The following CADM2 variants were observed in gnomAD, a reference collection of about 807,000 sequenced individuals.
CADM2 encodes cell adhesion molecule 2.
Under a neutral mutation model 49.8 loss-of-function variants are expected in CADM2, and 12 were observed. The observed-to-expected ratio is 0.24, with a 90% CI of 0.15 to 0.39. CADM2 has a LOEUF of 0.39. Ranked by LOEUF, CADM2 falls within the 10% of genes least tolerant of loss-of-function variation. The pLI, the probability that CADM2 is intolerant of heterozygous loss-of-function variation, is 1.00. For missense variants in CADM2, 378 were observed against 492.3 expected (o/e 0.77, Z 2.20); for synonymous variants, 214 against 175.4 (o/e 1.22, Z -1.74).
chr3:85,072,743 T>A (rs899512629), intron 1 of CADM2, among the ~76,000 whole-genome samples: 3 of 152,064 alleles, frequency 2.0e-5, no homozygotes, highest in Non-Finnish European at 2.9e-5. Context: ...TAGATAAAAA[T>A]TTTAAATTCT....
intron 3 of CADM2, among the ~76,000 whole-genome samples, chr3:85,819,322 T>A (rs1375741157): frequency 6.6e-6 from 1 of 152,006 alleles, no homozygotes; most frequent in Non-Finnish European, 1.5e-5. Flanking sequence ...CAAAGGTTAA[T>A]CTCCTCTGGC....
chr3:85,985,100 A>G (rs904056259), intron 8 of CADM2, among the ~76,000 whole-genome samples: 4 of 151,974 alleles, frequency 2.6e-5, no homozygotes, highest in Non-Finnish European at 5.9e-5. Flanking sequence ...TTGGGGTGCT[A>G]TAATGAAATT....
rs1166020374 is a variant in CADM2, at chr3:85,935,831, G to A, written c.765G>A (p.Leu255=). ...CACAAGAAGGACAGCCTTTAATTTTGACTTGTGAATCCAAAGGAAAACCAC... is the reference window on the plus strand; with the variant it reads ...CACAAGAAGGACAGCCTTTAATTTTAACTTGTGAATCCAAAGGAAAACCAC... ...PFPQEGQPLI[L]TCESKGKPLP... The change falls in exon 7 of 10, where the codon TTG becomes TTA. Residue 255 remains leucine (L), a synonymous_variant. Coordinates refer to ENST00000383699, the MANE Select transcript of CADM2 (RefSeq NM_001167675.2). 1.2e-6 allele frequency: 2 copies of A among 1,604,218 alleles called. No homozygotes were observed. Among genetic ancestry groups the A allele is most frequent in the Non-Finnish European group, 1.7e-6 (2 of 1,173,118 alleles).
intron 1 of CADM2, among the ~76,000 whole-genome samples, chr3:85,255,310 A>C (rs1184641407): frequency 6.6e-6 from 1 of 152,046 alleles, no homozygotes; most frequent in African/African-American, 2.4e-5. Context: ...ATATCTTTAA[A>C]TACCTTCACT....
rs527738963 is a variant in CADM2 at position 85,595,105 on chromosome 3, T to C, written c.62-131417T>C. On this transcript the variant is annotated intron_variant, in intron 1 of 9. Transcript: ENST00000383699. ...AAGCCCTTTTTGCGTGCATTTATTC[T>C]GCTAGTTGATAATACAAATTGAAGT... is the stretch of plus-strand genomic sequence containing the variant. 2.6e-5 allele frequency among the ~76,000 whole-genome samples: 4 copies of C among 152,156 alleles called. No homozygotes were observed. The East Asian group carries it at 7.8e-4, about 30-fold the overall frequency.
chr3:85,372,803 G>A (rs1052955810), intron 1 of CADM2, among the ~76,000 whole-genome samples: 32 of 152,106 alleles, frequency 2.1e-4, no homozygotes, highest in African/African-American at 7.0e-4. Flanking sequence ...TGTCTTACAC[G>A]GTGGAAGGGA....
At chr3:84,989,386 A>C (rs899170688) in intron 1 of CADM2, among the ~76,000 whole-genome samples, 1 of 152,184 alleles carries the variant, frequency 6.6e-6, no homozygotes, top group Non-Finnish European at 1.5e-5. Flanking sequence ...TTATTTAAAT[A>C]GATAAGTCTT....
chr3:85,823,225 A>G (rs1026349327), intron 3 of CADM2, among the ~76,000 whole-genome samples: 6 of 152,212 alleles, frequency 3.9e-5, no homozygotes, highest in Non-Finnish European at 8.8e-5. Flanking sequence ...CATAATAAAT[A>G]TAACAATTTT....
intron 1 of CADM2, among the ~76,000 whole-genome samples, chr3:85,431,430 A>G (rs2036658930): frequency 6.6e-6 from 1 of 152,244 alleles, no homozygotes; most frequent in Non-Finnish European, 1.5e-5. Context: ...CTGCTCTGCA[A>G]AATTAGGATA....
intron 1 of CADM2, among the ~76,000 whole-genome samples, chr3:85,528,324 ACG>A (rs2061217337): frequency 9.6e-6 from 1 of 104,348 alleles, no homozygotes; most frequent in African/African-American, 2.6e-5. Flanking sequence ...CAGCATACTC[ACG>A]CACACTCACA....
rs376971693 is a variant in CADM2 at position 85,469,490 on chromosome 3, G to A, written c.62-257032G>A. 4.6e-5 allele frequency among the ~76,000 whole-genome samples: 7 copies of A among 152,164 alleles called. No individual in the cohort carries two copies. In the South Asian group the frequency reaches 1.0e-3, roughly 23 times the overall value. ...ATAGTTTAATTCAAATGATAGGAGT[G>A]GCCAGAGCTCAATTTATTCAAAGAG... is the stretch of plus-strand genomic sequence containing the variant. On this transcript the variant is annotated intron_variant, in intron 1 of 9. Transcript: ENST00000383699.
rs552974027 is a variant in CADM2, at chr3:85,224,954, G to T, written c.61+265286G>T. Among the ~76,000 whole-genome samples, 274 of 152,088 alleles carry T rather than the reference G, an allele frequency of 1.8e-3. 1 individual carries two copies. The highest frequency in any genetic ancestry group is 6.3e-3 in the African/African-American group (263 of 41,440). ...CTGAGGCCTCTGTTCTGTTCCATTG[G>T]TCTATATATCTGTTTTGGTACCAGT... On this transcript the variant is annotated intron_variant, in intron 1 of 9. Coordinates refer to ENST00000383699, the MANE Select transcript of CADM2 (RefSeq NM_001167675.2).
At chr3:85,547,607 G>C (rs2061698463) in intron 1 of CADM2, among the ~76,000 whole-genome samples, 1 of 152,106 alleles carries the variant, frequency 6.6e-6, no homozygotes, top group Admixed American at 6.6e-5. Context: ...TATAGGAAAG[G>C]AATTTGTGAT....
At chr3:85,299,467 T>G (rs2106980254) in intron 1 of CADM2, among the ~76,000 whole-genome samples, 1 of 152,204 alleles carries the variant, frequency 6.6e-6, no homozygotes, top group South Asian at 2.1e-4. Flanking sequence ...GTTAATATAT[T>G]AAATATTCAC....
intron 3 of CADM2, among the ~76,000 whole-genome samples, chr3:85,875,696 G>C (rs1711731031): frequency 6.6e-6 from 1 of 152,174 alleles, no homozygotes; most frequent in South Asian, 2.1e-4. Context: ...CAGCTTTGGA[G>C]AAAGCAATAG....
intron 1 of CADM2, among the ~76,000 whole-genome samples, chr3:85,504,908 C>T (rs1369799797): frequency 6.6e-6 from 1 of 152,170 alleles, no homozygotes; most frequent in Admixed American, 6.5e-5. Flanking sequence ...CCTCCGCAGC[C>T]GCTGGCCCGG....
chr3:86,042,611 C>A (rs1158088894), intron 8 of CADM2, among the ~76,000 whole-genome samples: 1 of 151,872 alleles, frequency 6.6e-6, no homozygotes, highest in Non-Finnish European at 1.5e-5. Flanking sequence ...AAAAAAAGTC[C>A]AGGACCAGAT....
chr3:85,935,024 T>C (rs73843516), intron 6 of CADM2, among the ~76,000 whole-genome samples: 9,964 of 152,094 alleles, frequency 0.066, 877 homozygotes, highest in African/African-American at 0.2. Context: ...TTCTATGAAA[T>C]ATGTTACCTT....
chr3:85,907,969 G>A (rs1405573252), intron 5 of CADM2, among the ~76,000 whole-genome samples: 4 of 150,912 alleles, frequency 2.7e-5, no homozygotes, highest in African/African-American at 7.3e-5. Flanking sequence ...CACCAAAACC[G>A]CAAAAGTGGA....
Sources: allele counts gnomAD v4.1 joint callset (sites outside exome capture counted in the v4.1 genomes callset), GRCh38; gene constraint gnomAD v4.1.1; transcripts MANE v1.5; gene names NCBI Gene and HGNC (gene_info 2026-07-23, HGNC 2026-07-21).